The following KLHL6 variants were observed in gnomAD, a reference collection of about 807,000 sequenced individuals.
KLHL6 encodes kelch-like protein 6.
Under a neutral mutation model 58.6 loss-of-function variants are expected in KLHL6, and 41 were observed. That is an observed-to-expected ratio of 0.70 (90% CI 0.55 to 0.91). The LOEUF (loss-of-function observed/expected upper bound fraction) is 0.91, where lower values mean the gene tolerates loss of function less well. Among genes scored for constraint, KLHL6 ranks in the 40% least tolerant of loss-of-function variants. KLHL6 has a pLI of 0.00. For missense variants in KLHL6, 714 were observed against 805.6 expected, an observed-to-expected ratio of 0.89 and a Z score of 1.38; for synonymous variants, 338 against 322.7, an observed-to-expected ratio of 1.05 and a Z score of -0.51.
intron 2 of KLHL6, among the ~76,000 whole-genome samples, chr3:183,517,859 T>G (rs921594733): frequency 6.6e-6 from 1 of 152,074 alleles, no homozygotes; most frequent in Non-Finnish European, 1.5e-5. Context: ...ATCTCGGACA[T>G]GATTGATGCT....
chr3:183,555,302 T>G, intron 1 of KLHL6, 59 bp downstream of exon 1: 3 of 1,477,862 alleles, frequency 2.0e-6, no homozygotes, highest in Non-Finnish European at 2.8e-6. Flanking sequence ...GCTCTCACAC[T>G]AACACACCTC....
chr3:183,500,489 G>A (rs772143714), intron 3 of KLHL6, among the ~76,000 whole-genome samples: 4 of 152,150 alleles, frequency 2.6e-5, no homozygotes, highest in Non-Finnish European at 4.4e-5. Flanking sequence ...ATGTACCAGC[G>A]TTCTATCACC....
chr3:183,532,361 A>G (rs571224482), intron 1 of KLHL6, among the ~76,000 whole-genome samples: 16 of 152,336 alleles, frequency 1.1e-4, no homozygotes, highest in African/African-American at 3.6e-4. Context: ...CAGACTCTAT[A>G]GAAGTGTGAG....
At chr3:183,527,163 A>G (rs1278861963) in intron 2 of KLHL6, among the ~76,000 whole-genome samples, 2 of 152,110 alleles carry the variant, frequency 1.3e-5, no homozygotes, top group African/African-American at 4.8e-5. Flanking sequence ...TAAACATAAC[A>G]AGACTAAATG....
chr3:183,537,440 A>G (rs755871889), intron 1 of KLHL6, among the ~76,000 whole-genome samples: 3 of 152,194 alleles, frequency 2.0e-5, no homozygotes, highest in Non-Finnish European at 2.9e-5. Context: ...TAATAAAAAC[A>G]CTTTCTAGAA....
chr3:183,492,875 G>C lies in KLHL6; in HGVS notation c.1351-168C>G, dbSNP rs888354460. The C allele has an allele frequency of 4.9e-6, 3 of 612,922 alleles. No homozygotes were observed. The highest frequency in any genetic ancestry group is 1.9e-5 in the African/African-American group (1 of 54,024). 38.0% of individuals were successfully genotyped at this position (612,922 alleles called of 1,614,324 possible). A position where few individuals can be genotyped will look rare whatever the true frequency, so the allele number is the denominator to read the frequency against. On this transcript the variant is annotated intron_variant, in intron 5 of 6. Coordinates refer to ENST00000341319, the MANE Select transcript of KLHL6 (RefSeq NM_130446.4). The surrounding 1 kb of genome is among the most constrained non-coding windows in gnomAD (Gnocchi z 5.9). ...CTCTTAAGACACAGCAAGAATGAAA[G>C]CATGCATTTCCCACCCTCCCTCCAG... is the stretch of plus-strand genomic sequence containing the variant.
At chr3:183,517,055 C>T (rs1481034655) in intron 2 of KLHL6, among the ~76,000 whole-genome samples, 2 of 152,014 alleles carry the variant, frequency 1.3e-5, no homozygotes, top group Non-Finnish European at 1.5e-5. Context: ...ATTACAGGCT[C>T]GCACCACCAC....
chr3:183,509,190 T>C (rs1320632219), intron 2 of KLHL6, among the ~76,000 whole-genome samples: 2 of 152,232 alleles, frequency 1.3e-5, no homozygotes, highest in African/African-American at 4.8e-5. Context: ...CTTATTTGGA[T>C]TCCTGATTTA....
rs143658515 is a variant in KLHL6 at position 183,519,723 on chromosome 3, A to G, written c.459+8122T>C. ...GCAACAGAGAGAGACTTTGTCTCTA[A>G]AATAATAATAATAATAATAATAAAA... On this transcript the variant is annotated intron_variant, in intron 2 of 6. Coordinates refer to ENST00000341319, the MANE Select transcript of KLHL6 (RefSeq NM_130446.4). Among the ~76,000 whole-genome samples, 10 of 150,624 alleles carry G rather than the reference A, an allele frequency of 6.6e-5. No homozygotes were observed. The East Asian group carries it at 1.7e-3, about 26-fold the overall frequency.
In KLHL6 at chr3:183,492,924, T is replaced by C; in HGVS notation, c.1351-217A>G. 1.8e-6 allele frequency: 1 copy of C among 545,916 alleles called. No homozygotes were observed. The highest frequency in any genetic ancestry group is 2.1e-5 in the South Asian group (1 of 48,566). The allele number at this position is 545,916 out of a possible 1,614,324, so 33.8% of individuals were successfully genotyped here. ...AGGCTCCACGCAAGCTAGAGCAAGCTGTGTGTTGGGATGTGCCAGCCTCTC... is the reference window on the plus strand; with the variant it reads ...AGGCTCCACGCAAGCTAGAGCAAGCCGTGTGTTGGGATGTGCCAGCCTCTC... On this transcript the variant is annotated intron_variant, in intron 5 of 6. Coordinates refer to ENST00000341319, the MANE Select transcript of KLHL6 (RefSeq NM_130446.4). The surrounding 1 kb of genome is among the most constrained non-coding windows in gnomAD (Gnocchi z 5.9).
At chr3:183,503,202 G>C (rs566851533) in intron 3 of KLHL6, among the ~76,000 whole-genome samples, 33 of 152,344 alleles carry the variant, frequency 2.2e-4, no homozygotes, top group African/African-American at 7.7e-4. Flanking sequence ...TATACTAGGG[G>C]ACAGAGTGAG....
intron 1 of KLHL6, among the ~76,000 whole-genome samples, chr3:183,530,070 T>C (rs147123427): frequency 0.01 from 1,553 of 152,168 alleles, 26 homozygotes; most frequent in African/African-American, 0.036. Context: ...GATCCAGAAC[T>C]GTGAGAAAAT....
chr3:183,506,158 G>A (rs985620321), intron 3 of KLHL6, among the ~76,000 whole-genome samples: 5 of 152,176 alleles, frequency 3.3e-5, no homozygotes, highest in African/African-American at 1.2e-4. Context: ...ATATGTATGG[G>A]TGTTCATGTG....
chr3:183,519,890 T>C (rs867372497), intron 2 of KLHL6, among the ~76,000 whole-genome samples: 1 of 93,836 alleles, frequency 1.1e-5, no homozygotes, highest in East Asian at 2.4e-4. Context: ...ACCAAAACCC[T>C]GTCTCAAAAA....
intron 2 of KLHL6, chr3:183,521,699 T>C (rs1711767082): frequency 6.6e-6 from 1 of 150,848 alleles, no homozygotes; most frequent in South Asian, 2.1e-4. Context: ...CTGATTTTTT[T>C]TTTTTTTTTT....
intron 4 of KLHL6, among the ~76,000 whole-genome samples, chr3:183,497,689 T>A (rs1262476689): frequency 6.6e-5 from 10 of 152,134 alleles, no homozygotes; most frequent in Non-Finnish European, 1.5e-4. Context: ...AGGCCATGTG[T>A]AGGAAGAGGC....
At chr3:183,550,989 C>T (rs975649577) in intron 1 of KLHL6, among the ~76,000 whole-genome samples, 1 of 151,600 alleles carries the variant, frequency 6.6e-6, no homozygotes, top group African/African-American at 2.4e-5. Flanking sequence ...GGCGTGGTGG[C>T]GGGCGCCTGT....
At chr3:183,519,895 C>CAAAAAAAAA (rs56101517) in intron 2 of KLHL6, among the ~76,000 whole-genome samples, 8 of 83,262 alleles carry the variant, frequency 9.6e-5, no homozygotes, top group African/African-American at 2.1e-4. Flanking sequence ...AACCCTGTCT[C>CAAAAAAAAA]AAAAAAAAAA....
chr3:183,516,748 A>G (rs1711576216), intron 2 of KLHL6, among the ~76,000 whole-genome samples: 1 of 152,234 alleles, frequency 6.6e-6, no homozygotes, highest in Non-Finnish European at 1.5e-5. Context: ...CACATCAGCA[A>G]TTCTGTTGAT....
Sources: allele counts gnomAD v4.1 joint callset (sites outside exome capture counted in the v4.1 genomes callset), GRCh38; gene constraint gnomAD v4.1.1; non-coding constraint Gnocchi (gnomAD v3.1); transcripts MANE v1.5; gene names NCBI Gene and HGNC (gene_info 2026-07-23, HGNC 2026-07-21).